Variants in THBS1 observed in about 807,000 individuals in gnomAD.
THBS1 encodes thrombospondin-1.
A neutral mutation model predicts 126.1 loss-of-function variants in THBS1; 29 were observed. The observed-to-expected ratio is 0.23, with a 90% CI of 0.17 to 0.31. The LOEUF (loss-of-function observed/expected upper bound fraction) is 0.31. Among genes scored for constraint, THBS1 ranks in the 10% least tolerant of loss-of-function variants. The probability of loss-of-function intolerance (pLI) is 1.00; values close to 1 mark genes in which losing one functional copy is unlikely to be tolerated. For missense variants in THBS1, 1,198 were observed against 1,545.2 expected, an observed-to-expected ratio of 0.78 and a Z score of 3.77; for synonymous variants, 496 against 577.8, an observed-to-expected ratio of 0.86 and a Z score of 2.03.
At chr15:39,582,915 A>T (rs980791216) in intron 3 of THBS1, among the ~76,000 whole-genome samples, 163 bp downstream of exon 3, 4 of 152,194 alleles carry the variant, frequency 2.6e-5, no homozygotes, top group Non-Finnish European at 5.9e-5. Flanking sequence ...ACCCTGCTGC[A>T]CCCCAGCCCC....
At chr15:39,585,080 A>G (rs1475151555) in intron 6 of THBS1, among the ~76,000 whole-genome samples, 1 of 152,134 alleles carries the variant, frequency 6.6e-6, no homozygotes, top group Non-Finnish European at 1.5e-5. Flanking sequence ...AAAAGTGCTT[A>G]TAGATCTTCC....
At position 39,582,560 on chromosome 15, in the gene THBS1, A is replaced by C; in HGVS notation, c.435A>C (p.Glu145Asp). 6.2e-7 allele frequency: 1 copy of C among 1,614,142 alleles called. No homozygotes were observed. The highest frequency in any genetic ancestry group is 8.5e-7 in the Non-Finnish European group (1 of 1,180,022). ...QGKQHVVSVE[E>D]ALLATGQWKS... ...AGCAGCACGTGGTGTCTGTGGAAGA[A>C]GCTCTCCTGGCAACCGGCCAGTGGA... is the stretch of plus-strand genomic sequence containing the variant. Residue 145 changes from glutamate to aspartate, a missense_variant, in exon 3 of 22, where the codon GAA (glutamate) becomes GAC (aspartate). Physicochemically the swap from Glu to Asp is conservative, Grantham distance 45 (BLOSUM62 2). Coordinates refer to ENST00000260356, the MANE Select transcript of THBS1 (RefSeq NM_003246.4).
Position 39,594,185 on chromosome 15 carries a change from G to A in THBS1, c.3354G>A (p.Thr1118=), listed in dbSNP as rs768310219. ...YRWRLSHRPK[T]GFIRVVMYEG... is the part of the protein sequence containing the mutation. ...GGCGTCTCAGCCACAGGCCAAAGAC[G>A]GGTTTCATTAGGTACGATCATACTG... Residue 1118 remains threonine, a synonymous_variant, in exon 20 of 22, where the codon ACG becomes ACA. Coordinates refer to ENST00000260356, the MANE Select transcript of THBS1 (RefSeq NM_003246.4). The surrounding 1 kb of genome is among the most constrained non-coding windows in gnomAD (Gnocchi z 4.4). 8.1e-6 allele frequency: 13 copies of A among 1,614,160 alleles called. No individual in the cohort carries two copies. The highest frequency in any genetic ancestry group is 6.7e-5 in the East Asian group (3 of 44,880).
rs1429972726 is a variant in THBS1 at position 39,594,363 on chromosome 15, A to G, written c.3428A>G (p.Tyr1143Cys). ...ADSGPIYDKTYAGGRLGLFVF... is the reference protein window; with the variant it reads ...ADSGPIYDKTCAGGRLGLFVF... Reference sequence around the variant, plus strand: ...TCAGGACCCATCTATGATAAAACCTATGCTGGTGGTAGACTAGGGTTGTTT... The same window carrying G: ...TCAGGACCCATCTATGATAAAACCTGTGCTGGTGGTAGACTAGGGTTGTTT... Residue 1143 changes from tyrosine (Y) to cysteine (C), a missense_variant, in exon 21 of 22, where the codon TAT becomes TGT. Transcript: ENST00000260356. The surrounding 1 kb of genome is among the most constrained non-coding windows in gnomAD (Gnocchi z 4.4). The G allele has an allele frequency of 7.4e-6, 12 of 1,614,138 alleles. No homozygotes were observed. Among genetic ancestry groups the G allele is most frequent in the Non-Finnish European group, 1.0e-5 (12 of 1,180,054 alleles).
At position 39,594,506 on chromosome 15, in the gene THBS1, G is replaced by A. The variant is rs940211536; in HGVS notation, c.3505+66G>A. 1.1e-5 allele frequency: 17 copies of A among 1,574,744 alleles called. No individual in the cohort carries two copies. The highest frequency in any genetic ancestry group is 1.8e-4 in the Middle Eastern group (1 of 5,650). On this transcript the variant is annotated intron_variant, in intron 21 of 21. Transcript: ENST00000260356. This position sits in a 1 kb window ranked among gnomAD's most constrained non-coding sequence, Gnocchi z 4.4. ...ATTTCAGACTAATATCAAGGATGACGGTTATGGGGGAGTCCAGTGTAAAGA... is the reference window on the plus strand; with the variant it reads ...ATTTCAGACTAATATCAAGGATGACAGTTATGGGGGAGTCCAGTGTAAAGA...
Position 39,592,938 on chromosome 15 carries a change from T to A in THBS1, c.2768-62T>A. 2 of 1,572,330 alleles carry A rather than the reference T, an allele frequency of 1.3e-6. No homozygotes were observed. The highest frequency in any genetic ancestry group is 1.7e-6 in the Non-Finnish European group (2 of 1,149,300). On this transcript the variant is annotated intron_variant, in intron 17 of 21. Coordinates refer to ENST00000260356, the MANE Select transcript of THBS1 (RefSeq NM_003246.4). This position sits in a 1 kb window ranked among gnomAD's most constrained non-coding sequence, Gnocchi z 4.3. ...AACTTAGACAAGATAGTGACATTTC[T>A]GACACCAGTAATAATAATAGCACTT...
intron 2 of THBS1, 120 bp from the exon 3 acceptor site, chr15:39,582,073 C>T: frequency 1.5e-6 from 2 of 1,332,480 alleles, no homozygotes; most frequent in Non-Finnish European, 2.1e-6. Flanking sequence ...ATTTATTCAC[C>T]TCTTTCAGTG....
rs1208077673 is a variant in THBS1, at chr15:39,596,328, A to C, written c.*959A>C. On this transcript the variant is annotated 3_prime_UTR_variant, in exon 22 of 22. Transcript: ENST00000260356. Reference sequence around the variant, plus strand: ...TCTCTTTTTTCCTGAATTATCATGGAGTTTTCTAATTCTCTCTTTTGGAAT... The same window carrying C: ...TCTCTTTTTTCCTGAATTATCATGGCGTTTTCTAATTCTCTCTTTTGGAAT... 6.5e-6 allele frequency: 1 copy of C among 154,400 alleles called. No individual in the cohort carries two copies. Among genetic ancestry groups the C allele is most frequent in the Non-Finnish European group, 1.4e-5 (1 of 69,542 alleles). The allele number at this position is 154,400 out of a possible 1,614,324, so 9.6% of individuals were successfully genotyped here.
chr15:39,589,149 T>C lies in THBS1; in HGVS notation c.1774-53T>C. On this transcript the variant is annotated intron_variant, in intron 11 of 21. Transcript: ENST00000260356. This position sits in a 1 kb window ranked among gnomAD's most constrained non-coding sequence, Gnocchi z 4.7. ...GAAAGCAGCTAACCTGTGCAGTCGCTTCCTTATGGCAGTGACTTCTAAACA... is the reference window on the plus strand; with the variant it reads ...GAAAGCAGCTAACCTGTGCAGTCGCCTCCTTATGGCAGTGACTTCTAAACA... 6.2e-7 allele frequency: 1 copy of C among 1,612,652 alleles called. No individual in the cohort carries two copies. The highest frequency in any genetic ancestry group is 8.5e-7 in the Non-Finnish European group (1 of 1,178,796).
chr15:39,588,944 C>G lies in THBS1; in HGVS notation c.1646-15C>G. ...CCAACCATTTACTGTGACTGTCTCT[C>G]TCTCCTTGTCTCAGATGGATGCCTG... On this transcript the variant is annotated splice_polypyrimidine_tract_variant and intron_variant, in intron 10 of 21. Transcript: ENST00000260356. 1 of 1,614,202 alleles carries G rather than the reference C, an allele frequency of 6.2e-7. No homozygotes were observed. The highest frequency in any genetic ancestry group is 8.5e-7 in the Non-Finnish European group (1 of 1,180,036).
chr15:39,582,420 A>G lies in THBS1; in HGVS notation c.295A>G (p.Lys99Glu), dbSNP rs752250636. The change falls in exon 3 of 22, where the codon AAG becomes GAG. Residue 99 changes from lysine (K) to glutamate (E), a missense_variant. Lys to Glu is a moderately conservative substitution (Grantham distance 56, BLOSUM62 1). This residue lies in a region of THBS1 where 271 missense variants were observed against 277.0 expected (regional missense o/e 0.98). Transcript: ENST00000260356. ...TCTGGCATCCCTGAGGCAGATGAAG[A>G]AGACCCGGGGCACGCTGCTGGCCCT... ...LLLASLRQMK[K>E]TRGTLLALER... is the part of the protein sequence containing the mutation. 2.5e-6 allele frequency: 4 copies of G among 1,614,104 alleles called. No individual in the cohort carries two copies. In the East Asian group the frequency reaches 8.9e-5, roughly 36 times the overall value.
chr15:39,588,255 A>C (rs1341797367), intron 9 of THBS1, 37 bp downstream of exon 9: 2 of 1,600,602 alleles, frequency 1.2e-6, no homozygotes, highest in African/African-American at 1.3e-5. Context: ...GAGCATGGGC[A>C]GCAGCTCTGC....
At position 39,582,546 on chromosome 15, in the gene THBS1, G is replaced by A. The variant is rs370391850; in HGVS notation, c.421G>A (p.Val141Met). Residue 141 changes from valine to methionine, a missense_variant, in exon 3 of 22, where the codon GTG becomes ATG. Around this residue, in one of 4 missense-constraint regions of THBS1, gnomAD observed 271 missense variants for 277.0 expected, o/e 0.98. Coordinates refer to ENST00000260356, the MANE Select transcript of THBS1 (RefSeq NM_003246.4). ...SLTVQGKQHVVSVEEALLATG... is the reference protein window; with the variant it reads ...SLTVQGKQHVMSVEEALLATG... ...GACCGTCCAAGGAAAGCAGCACGTG[G>A]TGTCTGTGGAAGAAGCTCTCCTGGC... 47 of 1,614,078 alleles carry A rather than the reference G, an allele frequency of 2.9e-5. 1 individual carries two copies. The highest frequency in any genetic ancestry group is 8.0e-5 in the African/African-American group (6 of 74,946).
chr15:39,591,039 T>G (rs1333604867), intron 14 of THBS1, 152 bp from the exon 15 acceptor site: 1 of 842,576 alleles, frequency 1.2e-6, no homozygotes. Flanking sequence ...ACTTTTGTAG[T>G]GATCGTTTTA....
chr15:39,589,453 A>C lies in THBS1; in HGVS notation c.1926+99A>C. On this transcript the variant is annotated intron_variant, in intron 12 of 21. Transcript: ENST00000260356. The surrounding 1 kb of genome is among the most constrained non-coding windows in gnomAD (Gnocchi z 4.7). ...ATGTAATTTCATACCCTTCACCAAAAAAAAAAGGGCGAGGAGATGAATGTA... is the reference window on the plus strand; with the variant it reads ...ATGTAATTTCATACCCTTCACCAAACAAAAAAGGGCGAGGAGATGAATGTA... The C allele has an allele frequency of 6.9e-7, 1 of 1,450,058 alleles. No homozygotes were observed. Among genetic ancestry groups the C allele is most frequent in the Non-Finnish European group, 9.2e-7 (1 of 1,083,210 alleles). The allele number at this position is 1,450,058 out of a possible 1,614,324, so 89.8% of individuals were successfully genotyped here. A position where few individuals can be genotyped will look rare whatever the true frequency, so the allele number is the denominator to read the frequency against.
Position 39,593,292 on chromosome 15 carries a change from C to T in THBS1, c.2995+65C>T, listed in dbSNP as rs1890366322. ...ACATGGGGAAAAACAAATATAAAAC[C>T]TGGCAGTTGTACCTATCCCTGTGGG... On this transcript the variant is annotated intron_variant, in intron 18 of 21. Transcript: ENST00000260356. The surrounding 1 kb of genome is among the most constrained non-coding windows in gnomAD (Gnocchi z 5.9). The T allele has an allele frequency of 6.2e-7, 1 of 1,610,816 alleles. No individual in the cohort carries two copies. Among genetic ancestry groups the T allele is most frequent in the African/African-American group, 1.3e-5 (1 of 74,826 alleles).
chr15:39,589,005 C>T lies in THBS1; in HGVS notation c.1692C>T (p.Ser564=). 3 of 1,614,162 alleles carry T rather than the reference C, an allele frequency of 1.9e-6. No homozygotes were observed. The highest frequency in any genetic ancestry group is 2.5e-6 in the Non-Finnish European group (3 of 1,180,036). ...NPCFAGVKCT[S]YPDGSWKCGA... ...GCTTTGCCGGCGTGAAGTGTACTAG[C>T]TACCCTGATGGCAGCTGGAAATGTG... Residue 564 remains serine (S), a synonymous_variant, in exon 11 of 22, where the codon AGC becomes AGT. Transcript: ENST00000260356. This position sits in a 1 kb window ranked among gnomAD's most constrained non-coding sequence, Gnocchi z 4.7.
chr15:39,581,498 AG>A (rs1890101762), intron 1 of THBS1, among the ~76,000 whole-genome samples: 1 of 139,434 alleles, frequency 7.2e-6, no homozygotes, highest in South Asian at 2.2e-4. Context: ...TCAGCACTCC[AG>A]GGAAGAGTCT....
rs1352754154 is a variant in THBS1, at chr15:39,590,534, C to T, written c.2164C>T (p.Pro722Ser). Residue 722 changes from proline to serine, a missense_variant, in exon 14 of 22, where the codon CCC becomes TCC. Pro to Ser is a moderately conservative substitution (Grantham distance 74). Coordinates refer to ENST00000260356, the MANE Select transcript of THBS1 (RefSeq NM_003246.4). ...TTCCTAGGATAATTGCCCCAACCTT[C>T]CCAACTCAGGGCAGGAAGACTATGA... ...HCKKDNCPNL[P>S]NSGQEDYDKD... 6.2e-7 allele frequency: 1 copy of T among 1,613,578 alleles called. No homozygotes were observed.
Sources: allele counts gnomAD v4.1 joint callset (sites outside exome capture counted in the v4.1 genomes callset), GRCh38; gene constraint gnomAD v4.1.1; regional missense constraint gnomAD v4.1.1; non-coding constraint Gnocchi (gnomAD v3.1); transcripts MANE v1.5; gene names NCBI Gene and HGNC (gene_info 2026-07-23, HGNC 2026-07-21).